The following SNX8 variants were observed in gnomAD, a reference collection of about 807,000 sequenced individuals.
SNX8 encodes sorting nexin 8.
Under a neutral mutation model 51.6 loss-of-function variants are expected in SNX8, and 25 were observed. The ratio of observed to expected loss-of-function variants is 0.48; its 90% CI spans 0.35 to 0.68. SNX8 has a LOEUF of 0.68. Ranked by LOEUF, SNX8 falls within the 30% of genes least tolerant of loss-of-function variation. The pLI is 0.00. For missense variants in SNX8, 695 were observed against 624.0 expected (o/e 1.11, Z -1.21); for synonymous variants, 324 against 277.0 (o/e 1.17, Z -1.68).
intron 1 of SNX8, among the ~76,000 whole-genome samples, chr7:2,294,715 C>T (rs1796232524): frequency 6.6e-6 from 1 of 152,156 alleles, no homozygotes; most frequent in African/African-American, 2.4e-5. Context: ...AAGCAGTTCA[C>T]CCCTCTGCAC....
In SNX8 at chr7:2,256,889, G is replaced by T; in HGVS notation, c.1269C>A (p.Ile423=). Residue 423 remains isoleucine (I), a synonymous_variant, in exon 10 of 11, where the codon ATC becomes ATA. Transcript: ENST00000222990. The stretch of plus-strand genomic sequence containing the variant: ...GCGGACTCACCTCCTTGTGCCCTTG[G>T]ATCTGAGAGTTGACGAAGGCGCGGA... ...HILRAFVNSQ[I]QGHKEMSKVW... 1 of 1,613,080 alleles carries T rather than the reference G, an allele frequency of 6.2e-7. No homozygotes were observed. Among genetic ancestry groups the T allele is most frequent in the Non-Finnish European group, 8.5e-7 (1 of 1,179,608 alleles).
intron 3 of SNX8, chr7:2,274,835 G>T: frequency 2.4e-6 from 1 of 423,784 alleles, no homozygotes; most frequent in Non-Finnish European, 4.3e-6. Context: ...GGAGAACTAG[G>T]GTTCTCTTTC....
At chr7:2,342,218 A>G (rs963181301) in intron 1 of SNX8, among the ~76,000 whole-genome samples, 1 of 151,862 alleles carries the variant, frequency 6.6e-6, no homozygotes, top group Non-Finnish European at 1.5e-5. Context: ...ATAAATAAAT[A>G]AATGTACTTC....
At chr7:2,277,068 C>T (rs758360907) in intron 2 of SNX8, among the ~76,000 whole-genome samples, 6 of 152,238 alleles carry the variant, frequency 3.9e-5, no homozygotes, top group Non-Finnish European at 8.8e-5. Context: ...CTCTCCCACA[C>T]AGGAGTGGGC....
intron 1 of SNX8, among the ~76,000 whole-genome samples, chr7:2,320,542 A>T (rs1341867939): frequency 6.6e-6 from 1 of 152,112 alleles, no homozygotes; most frequent in Non-Finnish European, 1.5e-5. Flanking sequence ...CAACACAGCA[A>T]GACCCTGACT....
intron 1 of SNX8, among the ~76,000 whole-genome samples, chr7:2,306,454 C>T (rs1484149757): frequency 6.6e-6 from 1 of 152,152 alleles, no homozygotes; most frequent in Non-Finnish European, 1.5e-5. Flanking sequence ...AAATCATTTT[C>T]TGGAAAACAT....
intron 1 of SNX8, among the ~76,000 whole-genome samples, chr7:2,301,039 G>A (rs1264443425): frequency 6.6e-6 from 1 of 152,186 alleles, no homozygotes; most frequent in Non-Finnish European, 1.5e-5. Flanking sequence ...GAATTTACAT[G>A]CTCTTTCATT....
At chr7:2,326,493 G>A (rs180947246) in intron 1 of SNX8, among the ~76,000 whole-genome samples, 112 of 151,610 alleles carry the variant, frequency 7.4e-4, no homozygotes, top group Non-Finnish European at 1.5e-4. Context: ...GTGAAACCCC[G>A]TCTCTACTAA....
rs1218279761 is a variant in SNX8 at position 2,273,769 on chromosome 7, T to C, written c.418+1343A>G. ...ATACAAAAAAATTAGCCAGGCGTGG[T>C]GGCGGGCGCCTGTAGTCCCAGCTAC... is the stretch of plus-strand genomic sequence containing the variant. On this transcript the variant is annotated intron_variant, in intron 3 of 10. Transcript: ENST00000222990. 2.7e-5 allele frequency among the ~76,000 whole-genome samples: 4 copies of C among 150,692 alleles called. No individual in the cohort carries two copies. In the East Asian group the frequency reaches 7.8e-4, roughly 30 times the overall value.
intron 1 of SNX8, among the ~76,000 whole-genome samples, chr7:2,311,900 G>A (rs1796665717): frequency 6.6e-6 from 1 of 151,132 alleles, no homozygotes; most frequent in African/African-American, 2.4e-5. Flanking sequence ...TCACACCACT[G>A]CACTCCAGCC....
At chr7:2,259,016 C>T (rs547974734) in intron 7 of SNX8, among the ~76,000 whole-genome samples, 7 of 152,116 alleles carry the variant, frequency 4.6e-5, no homozygotes, top group African/African-American at 1.4e-4. Context: ...TAGCAGCCCT[C>T]GGTGGGGGCG....
chr7:2,325,664 C>T (rs1207255248), intron 1 of SNX8, among the ~76,000 whole-genome samples: 1 of 151,872 alleles, frequency 6.6e-6, no homozygotes. Flanking sequence ...CCCGTCTCTA[C>T]AAAATATATA....
In SNX8 at chr7:2,314,268, C is replaced by T. The variant is rs556356539; in HGVS notation, c.94+60G>A. On this transcript the variant is annotated intron_variant, in intron 1 of 10. Transcript: ENST00000222990. ...AGCGCGGCGGCTGAGCCCCGTCCGCCGGGGGTGGTCGGGCCGCGCGCCCTG... is the reference window on the plus strand; with the variant it reads ...AGCGCGGCGGCTGAGCCCCGTCCGCTGGGGGTGGTCGGGCCGCGCGCCCTG... The T allele has an allele frequency of 1.1e-5, 13 of 1,212,954 alleles. No individual in the cohort carries two copies. The East Asian group carries it at 2.0e-4, about 19-fold the overall frequency. 75.1% of individuals were successfully genotyped at this position (1,212,954 alleles called of 1,614,324 possible). A position where few individuals can be genotyped will look rare whatever the true frequency, so the allele number is the denominator to read the frequency against.
At chr7:2,351,830 C>T (rs1779147140) in intron 1 of SNX8, among the ~76,000 whole-genome samples, 1 of 144,626 alleles carries the variant, frequency 6.9e-6, no homozygotes. Context: ...GACTCCATCT[C>T]AAAAAATAAA....
intron 7 of SNX8, among the ~76,000 whole-genome samples, chr7:2,258,554 C>A (rs1441932243): frequency 6.6e-6 from 1 of 152,144 alleles, no homozygotes; most frequent in Non-Finnish European, 1.5e-5. Context: ...AACGGGCACG[C>A]CCAGGAGGGG....
At chr7:2,316,231 G>GCATT, upstream of SNX8, among the ~76,000 whole-genome samples, 2 of 134,060 alleles carry the variant, frequency 1.5e-5, no homozygotes, top group East Asian at 2.4e-4. Context: ...ACTGCATCCT[G>GCATT]CATTCATTCA....
At chr7:2,257,847 C>G in intron 7 of SNX8, 44 bp from the exon 8 acceptor site, 1 of 1,579,226 alleles carries the variant, frequency 6.3e-7, no homozygotes, top group Non-Finnish European at 8.7e-7. Flanking sequence ...GCACATAGGA[C>G]CCGGTCCCTG....
intron 7 of SNX8, among the ~76,000 whole-genome samples, chr7:2,262,049 T>G (rs1051090155): frequency 6.6e-6 from 1 of 152,204 alleles, no homozygotes; most frequent in Admixed American, 6.5e-5. Flanking sequence ...CACTTTTTTT[T>G]GTTTTTGAGA....
At chr7:2,257,600 A>T (rs879185822) in intron 8 of SNX8, 86 bp from the exon 9 acceptor site, 7 of 1,578,798 alleles carry the variant, frequency 4.4e-6, no homozygotes, top group Non-Finnish European at 6.0e-6. Context: ...CACCCCCGCC[A>T]GACGGAAGGC....
Sources: allele counts gnomAD v4.1 joint callset (sites outside exome capture counted in the v4.1 genomes callset), GRCh38; gene constraint gnomAD v4.1.1; transcripts MANE v1.5; gene names NCBI Gene and HGNC (gene_info 2026-07-23, HGNC 2026-07-21).